BANK1: variants seen among roughly 807,000 people sequenced by gnomAD.
BANK1 encodes the protein B-cell scaffold protein with ankyrin repeats.
Under a neutral mutation model 94.5 loss-of-function variants are expected in BANK1, and 95 were observed. The observed-to-expected ratio is 1.00, with a 90% CI of 0.85 to 1.19. BANK1 has a LOEUF of 1.19. Among genes scored for constraint, BANK1 ranks in the 50% most tolerant of loss-of-function variants. The probability of loss-of-function intolerance (pLI) is 0.00; values close to 1 mark genes in which losing one functional copy is unlikely to be tolerated. For synonymous variants in BANK1, 334 were observed against 308.4 expected, an observed-to-expected ratio of 1.08 and a Z score of -0.87; for missense variants, 987 against 932.2, an observed-to-expected ratio of 1.06 and a Z score of -0.77.
chr4:102,006,076 C>T (rs187753915), intron 7 of BANK1, among the ~76,000 whole-genome samples: 7 of 152,114 alleles, frequency 4.6e-5, no homozygotes, highest in Admixed American at 3.3e-4. Context: ...TACCTGCACA[C>T]GAAATGGCTT....
In BANK1 at chr4:102,043,826, A is replaced by G. The variant is rs1727782252; in HGVS notation, c.1901-13A>G. On this transcript the variant is annotated splice_polypyrimidine_tract_variant and intron_variant, in intron 10 of 16. Coordinates refer to ENST00000322953, the MANE Select transcript of BANK1 (RefSeq NM_017935.5). The stretch of plus-strand genomic sequence containing the variant: ...TTATGTTCAGTAAATAATATGTTCT[A>G]TACTTTTTACAGTGTTTCAACAAAA... 6.3e-7 allele frequency: 1 copy of G among 1,575,430 alleles called. No homozygotes were observed. Among genetic ancestry groups the G allele is most frequent in the Non-Finnish European group, 8.7e-7 (1 of 1,148,810 alleles).
chr4:101,853,191 C>A (rs917884307), intron 2 of BANK1, among the ~76,000 whole-genome samples: 7 of 152,200 alleles, frequency 4.6e-5, no homozygotes, highest in Non-Finnish European at 8.8e-5. Flanking sequence ...GTCCTAGGTA[C>A]TGTTGTGCCT....
intron 7 of BANK1, among the ~76,000 whole-genome samples, chr4:101,964,372 C>T (rs1222553078): frequency 1.3e-5 from 2 of 151,980 alleles, no homozygotes; most frequent in South Asian, 4.1e-4. Flanking sequence ...CACCATCCCA[C>T]AGCCCCACAG....
chr4:101,999,016 T>G (rs1326623744), intron 7 of BANK1, among the ~76,000 whole-genome samples: 1 of 152,210 alleles, frequency 6.6e-6, no homozygotes, highest in East Asian at 1.9e-4. Flanking sequence ...AAATACATTC[T>G]GAGCTCACCT....
chr4:101,950,264 G>A (rs1403496934), intron 7 of BANK1, among the ~76,000 whole-genome samples: 3 of 152,054 alleles, frequency 2.0e-5, no homozygotes, highest in Admixed American at 2.0e-4. Flanking sequence ...AAATATATAA[G>A]CCACACAAGA....
At chr4:101,958,648 A>G (rs555728681) in intron 7 of BANK1, among the ~76,000 whole-genome samples, 5 of 152,270 alleles carry the variant, frequency 3.3e-5, no homozygotes, top group Non-Finnish European at 7.4e-5. Flanking sequence ...TACTATGGCC[A>G]CCTTGCCGCA....
chr4:101,791,800 G>C (rs1296112944), intron 1 of BANK1, among the ~76,000 whole-genome samples: 1 of 152,020 alleles, frequency 6.6e-6, no homozygotes, highest in Non-Finnish European at 1.5e-5. Flanking sequence ...AGCTATTTCT[G>C]TTGGCTAGTG....
At chr4:102,072,192 G>T (rs987404993) in intron 14 of BANK1, among the ~76,000 whole-genome samples, 153 bp from the exon 15 acceptor site, 2 of 152,110 alleles carry the variant, frequency 1.3e-5, no homozygotes, top group African/African-American at 4.8e-5. Context: ...CATGCCAAGG[G>T]TGCCTTTTCG....
intron 6 of BANK1, among the ~76,000 whole-genome samples, chr4:101,909,768 T>C (rs1722597917): frequency 6.6e-6 from 1 of 152,228 alleles, no homozygotes; most frequent in African/African-American, 2.4e-5. Context: ...TATCACATTG[T>C]ACACACTAAA....
chr4:101,885,244 T>A (rs1447889308), intron 5 of BANK1, among the ~76,000 whole-genome samples: 1 of 152,224 alleles, frequency 6.6e-6, no homozygotes, highest in Non-Finnish European at 1.5e-5. Context: ...AACAAAGTTC[T>A]CAGCATGTAA....
chr4:101,803,385 T>C (rs11929782), intron 1 of BANK1, among the ~76,000 whole-genome samples: 40,797 of 152,054 alleles, frequency 0.27, 5,784 homozygotes, highest in Non-Finnish European at 0.32. Flanking sequence ...GGCTGAGTAG[T>C]GGGGCACACA....
rs186292650 is a variant in BANK1 at position 101,897,786 on chromosome 4, G to C, written c.1009+2376G>C. Reference sequence around the variant, plus strand: ...ACAGTTTCCCAGGTGATTTCAATGGGCAGTCAAATTTACTAGCCCCTAATT... The same window carrying C: ...ACAGTTTCCCAGGTGATTTCAATGGCCAGTCAAATTTACTAGCCCCTAATT... On this transcript the variant is annotated intron_variant, in intron 6 of 16. Transcript: ENST00000322953. 2.0e-5 allele frequency among the ~76,000 whole-genome samples: 3 copies of C among 152,016 alleles called. No individual in the cohort carries two copies. The East Asian group carries it at 5.8e-4, about 29-fold the overall frequency.
chr4:101,840,346 A>G (rs968575325), intron 2 of BANK1, among the ~76,000 whole-genome samples: 17 of 152,168 alleles, frequency 1.1e-4, no homozygotes, highest in Non-Finnish European at 1.9e-4. Context: ...TAATTTTTAA[A>G]TTTAAAGAAA....
intron 6 of BANK1, among the ~76,000 whole-genome samples, chr4:101,906,436 C>T (rs939141720): frequency 6.6e-6 from 1 of 152,090 alleles, no homozygotes; most frequent in Non-Finnish European, 1.5e-5. Flanking sequence ...TAAGAGTGGT[C>T]GTTCAAGGCG....
At chr4:101,926,355 C>T (rs1295256030) in intron 7 of BANK1, among the ~76,000 whole-genome samples, 3 of 151,740 alleles carry the variant, frequency 2.0e-5, no homozygotes, top group South Asian at 4.1e-4. Context: ...TTATGATTGA[C>T]TTATTCTGCC....
At chr4:101,884,170 A>C (rs1394034594) in intron 5 of BANK1, among the ~76,000 whole-genome samples, 1 of 152,184 alleles carries the variant, frequency 6.6e-6, no homozygotes, top group Admixed American at 6.5e-5. Flanking sequence ...TTCCCCACCA[A>C]TTCCCTATAG....
intron 13 of BANK1, among the ~76,000 whole-genome samples, chr4:102,065,659 G>A (rs1041645919): frequency 4.0e-5 from 6 of 151,858 alleles, no homozygotes; most frequent in African/African-American, 1.2e-4. Context: ...CACTGAATTA[G>A]TGAAAAATGT....
intron 2 of BANK1, among the ~76,000 whole-genome samples, chr4:101,854,308 C>A (rs1727601567): frequency 6.6e-6 from 1 of 152,076 alleles, no homozygotes; most frequent in South Asian, 2.1e-4. Flanking sequence ...TTTCTCTTAA[C>A]ACATTTTTTC....
chr4:102,037,986 A>G (rs1452868870), intron 10 of BANK1, among the ~76,000 whole-genome samples: 3 of 152,162 alleles, frequency 2.0e-5, no homozygotes, highest in Admixed American at 6.5e-5. Context: ...AACTTCCACT[A>G]TTGAATACTA....
Sources: allele counts gnomAD v4.1 joint callset (sites outside exome capture counted in the v4.1 genomes callset), GRCh38; gene constraint gnomAD v4.1.1; transcripts MANE v1.5; gene names NCBI Gene and HGNC (gene_info 2026-07-23, HGNC 2026-07-21).